The following ARL17B variants were observed in gnomAD, a reference collection of about 807,000 sequenced individuals.
ARL17B encodes the protein ADP-ribosylation factor-like protein 17.
At chr17:46,282,706 G>A (rs1488693993) in intron 4 of ARL17B, among the ~76,000 whole-genome samples, 6 of 151,934 alleles carry the variant, frequency 3.9e-5, no homozygotes, top group African/African-American at 1.5e-4. Context: ...ACAGGCATAA[G>A]TCACCTTGCC....
At chr17:46,304,969 T>C (rs1449517738) in intron 3 of ARL17B, among the ~76,000 whole-genome samples, 1 of 74,246 alleles carries the variant, frequency 1.3e-5, no homozygotes. Context: ...CCTGGGTTCA[T>C]GCCATTCTCC....
At position 46,306,045 on chromosome 17, in the gene ARL17B, T is replaced by C. The variant is rs1261704518; in HGVS notation, c.260-6380A>G. 2.4e-5 allele frequency among the ~76,000 whole-genome samples: 2 copies of C among 81,890 alleles called. 1 individual carries two copies. Among genetic ancestry groups the C allele is most frequent in the Non-Finnish European group, 7.4e-5 (2 of 27,002 alleles). 53.7% of individuals were successfully genotyped at this position (81,890 alleles called of 152,430 possible). ...TACTGAACATTCACTGTTTTGTATC[T>C]AATGCACCACGTGTGCAGTGTTAAA... is the stretch of plus-strand genomic sequence containing the variant. On this transcript the variant is annotated intron_variant, in intron 3 of 4. Transcript: ENST00000434041.
intron 4 of ARL17B, among the ~76,000 whole-genome samples, chr17:46,279,485 T>C (rs1158107789): frequency 1.3e-5 from 2 of 149,332 alleles, no homozygotes; most frequent in Non-Finnish European, 3.0e-5. Flanking sequence ...CACCTGGCCT[T>C]TTTTTTCTTT....
chr17:46,291,907 G>GGT (rs2050078875), intron 4 of ARL17B, among the ~76,000 whole-genome samples: 1 of 150,562 alleles, frequency 6.6e-6, no homozygotes, highest in Non-Finnish European at 1.5e-5. Context: ...GCTGCGATGG[G>GGT]GTGTGATTGC....
intron 4 of ARL17B, among the ~76,000 whole-genome samples, chr17:46,290,155 G>A (rs1297490960): frequency 1.3e-5 from 2 of 152,196 alleles, no homozygotes; most frequent in Non-Finnish European, 2.9e-5. Context: ...TTGGAGACAG[G>A]GCCTCACTTG....
At chr17:46,276,122 C>T (rs1247919095) in intron 4 of ARL17B, among the ~76,000 whole-genome samples, 1 of 152,218 alleles carries the variant, frequency 6.6e-6, no homozygotes, top group Non-Finnish European at 1.5e-5. Context: ...AACTCCTGAC[C>T]TCAGGTGATC....
At chr17:46,332,632 G>A, downstream of ARL17B, 1 of 1,197,160 alleles carries the variant, frequency 8.4e-7, no homozygotes, top group Non-Finnish European at 1.2e-6. Context: ...TAACGATTTT[G>A]ATTATACTTT....
intron 3 of ARL17B, among the ~76,000 whole-genome samples, chr17:46,308,012 A>AAATAATAATAATAATAT (rs1567865476): frequency 1.6e-3 from 119 of 73,150 alleles, no homozygotes; most frequent in African/African-American, 4.1e-3. Flanking sequence ...ACTCTGTCTC[A>AAATAATAATAATAATAT]AATAATAATA....
intron 4 of ARL17B, among the ~76,000 whole-genome samples, chr17:46,285,770 G>C (rs62073169): frequency 0.52 from 78,983 of 151,766 alleles, 21,644 homozygotes; most frequent in South Asian, 0.7. Context: ...CTAGCTGAGA[G>C]TCAGTAAATA....
At chr17:46,325,466 C>G (rs1222593645) in intron 3 of ARL17B, among the ~76,000 whole-genome samples, 4 of 78,934 alleles carry the variant, frequency 5.1e-5, no homozygotes, top group African/African-American at 1.3e-4. Context: ...CTCAAGTATA[C>G]CTCAGGTCAT....
chr17:46,340,822 A>G (rs1308159311), intron 3 of ARL17B, among the ~76,000 whole-genome samples: 2 of 78,390 alleles, frequency 2.6e-5, no homozygotes, highest in Admixed American at 1.3e-4. Flanking sequence ...GATTACAGGC[A>G]TGAGTCACTG....
At chr17:46,282,270 T>C (rs192694178) in intron 4 of ARL17B, among the ~76,000 whole-genome samples, 6 of 151,778 alleles carry the variant, frequency 4.0e-5, no homozygotes, top group African/African-American at 1.5e-4. Context: ...GCCCGCCTAA[T>C]TTTTTGTTAT....
At chr17:46,279,184 CTTTTT>C (rs1189159774) in intron 4 of ARL17B, among the ~76,000 whole-genome samples, 3 of 136,982 alleles carry the variant, frequency 2.2e-5, no homozygotes, top group Non-Finnish European at 3.1e-5. Context: ...TCTTTTTTTT[CTTTTT>C]TTTTTTTTTT....
chr17:46,279,839 ATTGCCTTTCATTTT>A (rs2049711843), intron 4 of ARL17B, among the ~76,000 whole-genome samples: 1 of 152,142 alleles, frequency 6.6e-6, no homozygotes, highest in Admixed American at 6.6e-5. Flanking sequence ...GGCGTTTCTA[ATTGCCTTTCATTTT>A]TATCCCTGAC....
chr17:46,316,242 G>T (rs1256719171), intron 3 of ARL17B, among the ~76,000 whole-genome samples: 1 of 17,570 alleles, frequency 5.7e-5, no homozygotes, highest in African/African-American at 1.5e-4. Flanking sequence ...TTATTTCTTT[G>T]TGCAGATTCA....
At chr17:46,279,583 TA>T (rs2049704050) in intron 4 of ARL17B, among the ~76,000 whole-genome samples, 1 of 149,580 alleles carries the variant, frequency 6.7e-6, no homozygotes, top group Non-Finnish European at 1.5e-5. Flanking sequence ...CTCACTGCAG[TA>T]TCTGTCTCCT....
At chr17:46,277,939 G>C (rs986891656) in intron 4 of ARL17B, among the ~76,000 whole-genome samples, 5 of 151,566 alleles carry the variant, frequency 3.3e-5, no homozygotes, top group African/African-American at 1.2e-4. Flanking sequence ...ACCATGCCTG[G>C]TCTGGGTAGA....
chr17:46,286,882 TC>T (rs1218581957), intron 4 of ARL17B, among the ~76,000 whole-genome samples: 1 of 152,222 alleles, frequency 6.6e-6, no homozygotes, highest in African/African-American at 2.4e-5. Flanking sequence ...GATGTACACA[TC>T]CATTTTCTTA....
Position 46,338,560 on chromosome 17 carries a change from ACT to A in ARL17B, c.*938_*939del, listed in dbSNP as rs1353817761. Reference sequence around the variant, plus strand: ...GGTCCTTGTGGAGTTGGGGTGCACCACTCTCCTGGAACATGGATGTGTTCGCC... The same window carrying A: ...GGTCCTTGTGGAGTTGGGGTGCACCACTCCTGGAACATGGATGTGTTCGCC... On this transcript the variant is annotated 3_prime_UTR_variant, in exon 4 of 4. Coordinates refer to ENST00000450673, the MANE Select transcript of ARL17B (RefSeq NM_001039083.5). 3.1e-5 allele frequency among the ~76,000 whole-genome samples: 1 copy of A among 31,844 alleles called. No individual in the cohort carries two copies. Among genetic ancestry groups the A allele is most frequent in the Non-Finnish European group, 6.9e-5 (1 of 14,430 alleles). The allele number at this position is 31,844 out of a possible 152,430, so 20.9% of individuals were successfully genotyped here. A position where few individuals can be genotyped will look rare whatever the true frequency, so the allele number is the denominator to read the frequency against.
Sources: allele counts gnomAD v4.1 joint callset (sites outside exome capture counted in the v4.1 genomes callset), GRCh38; gene constraint gnomAD v4.1.1; transcripts MANE v1.5; gene names NCBI Gene and HGNC (gene_info 2026-07-23, HGNC 2026-07-21).